The following TDRD12 variants were observed in gnomAD, a reference collection of about 807,000 sequenced individuals.
TDRD12 encodes tudor domain containing 12.
Under a neutral mutation model 133.5 loss-of-function variants are expected in TDRD12, and 158 were observed. The ratio of observed to expected loss-of-function variants is 1.18; its 90% CI spans 1.04 to 1.35. TDRD12 has a LOEUF of 1.35. Among genes scored for constraint, TDRD12 ranks in the 40% most tolerant of loss-of-function variants. The pLI, the probability that TDRD12 is intolerant of heterozygous loss-of-function variation, is 0.00. For synonymous variants in TDRD12, 460 were observed against 477.9 expected, an observed-to-expected ratio of 0.96 and a Z score of 0.49; for missense variants, 1,443 against 1,321.3, an observed-to-expected ratio of 1.09 and a Z score of -1.43.
chr19:32,736,379 C>A (rs1163939327), intron 2 of TDRD12, among the ~76,000 whole-genome samples: 2 of 152,158 alleles, frequency 1.3e-5, no homozygotes, highest in Non-Finnish European at 2.9e-5. Context: ...AGTGATGAGA[C>A]CCTGTCTCTA....
rs561923460 is a variant in TDRD12 at position 32,751,579 on chromosome 19, T to A, written c.582+1710T>A. Among the ~76,000 whole-genome samples, 143 of 151,080 alleles carry A rather than the reference T, an allele frequency of 9.5e-4. 1 individual carries two copies. The highest frequency in any genetic ancestry group is 1.9e-3 in the South Asian group (9 of 4,746). ...TCCCTTCCCTTCCCCTCTCCTTCCT[T>A]CCCCTCCCTCCCTTCCCCTCCCATC... On this transcript the variant is annotated intron_variant, in intron 6 of 27. Transcript: ENST00000444215.
intron 4 of TDRD12, among the ~76,000 whole-genome samples, chr19:32,743,873 A>C (rs1242276758): frequency 6.6e-6 from 1 of 151,714 alleles, no homozygotes; most frequent in Non-Finnish European, 1.5e-5. Flanking sequence ...TACTAAAAAT[A>C]CAAAATTAGC....
intron 25 of TDRD12, among the ~76,000 whole-genome samples, chr19:32,814,916 A>G (rs1185964256): frequency 1.3e-5 from 2 of 152,108 alleles, no homozygotes; most frequent in Non-Finnish European, 2.9e-5. Context: ...CTATACCCAC[A>G]CTGCCACCAA....
At chr19:32,809,914 C>CT (rs1966941432) in intron 22 of TDRD12, among the ~76,000 whole-genome samples, 179 bp from the exon 23 acceptor site, 1 of 152,040 alleles carries the variant, frequency 6.6e-6, no homozygotes, top group Admixed American at 6.6e-5. Context: ...TTCTTTATGA[C>CT]TGTGTGAGGT....
intron 26 of TDRD12, among the ~76,000 whole-genome samples, chr19:32,817,690 G>A (rs1365958721): frequency 6.6e-6 from 1 of 151,566 alleles, no homozygotes; most frequent in Non-Finnish European, 1.5e-5. Flanking sequence ...TCCAGGTTCC[G>A]CAGCAGCTTC....
intron 26 of TDRD12, among the ~76,000 whole-genome samples, chr19:32,817,527 C>T (rs924958114): frequency 1.3e-5 from 2 of 152,118 alleles, no homozygotes; most frequent in Non-Finnish European, 2.9e-5. Flanking sequence ...ACCTGGGCTG[C>T]TGCCCCTCTT....
At chr19:32,724,146 C>T (rs1968783533) in intron 1 of TDRD12, among the ~76,000 whole-genome samples, 1 of 152,222 alleles carries the variant, frequency 6.6e-6, no homozygotes, top group South Asian at 2.1e-4. Flanking sequence ...TGGGAATGAG[C>T]CACCACTCCC....
rs60279064 is a variant in TDRD12 at position 32,760,898 on chromosome 19, C to G, written c.865+3768C>G. Among the ~76,000 whole-genome samples, 1,304 of 152,160 alleles carry G rather than the reference C, an allele frequency of 8.6e-3. 41 individuals carry two copies. The East Asian group carries it at 0.1, about 12-fold the overall frequency. The stretch of plus-strand genomic sequence containing the variant: ...ATTACAAAGAACTTTTTTCCCAAAC[C>G]ATTTGAGAATAAGTTGCTAACCTGA... On this transcript the variant is annotated intron_variant, in intron 8 of 27. Transcript: ENST00000444215.
At chr19:32,731,993 A>C in intron 2 of TDRD12, 110 bp downstream of exon 2, 1 of 1,129,602 alleles carries the variant, frequency 8.9e-7, no homozygotes, top group Non-Finnish European at 1.2e-6. Context: ...AGTTTCTTAC[A>C]CTCAGTGCCT....
At chr19:32,787,331 G>A (rs1970937258) in intron 11 of TDRD12, among the ~76,000 whole-genome samples, 1 of 152,158 alleles carries the variant, frequency 6.6e-6, no homozygotes, top group Non-Finnish European at 1.5e-5. Context: ...TGAGGTGTCT[G>A]TCGGCCCCTA....
At chr19:32,725,710 T>A (rs1202807578) in intron 1 of TDRD12, among the ~76,000 whole-genome samples, 1 of 152,196 alleles carries the variant, frequency 6.6e-6, no homozygotes, top group Non-Finnish European at 1.5e-5. Flanking sequence ...TCTTTTTTGG[T>A]TCCCTATCAA....
chr19:32,803,941 A>C (rs1397482240), intron 21 of TDRD12, among the ~76,000 whole-genome samples: 1 of 151,576 alleles, frequency 6.6e-6, no homozygotes, highest in Non-Finnish European at 1.5e-5. Context: ...TGTCGGGGGG[A>C]GTAGCTTATA....
chr19:32,733,592 A>G (rs77695701), intron 2 of TDRD12, among the ~76,000 whole-genome samples: 4,220 of 152,222 alleles, frequency 0.028, 93 homozygotes, highest in South Asian at 0.12. Flanking sequence ...TGTGAACTTC[A>G]TGTTGAATTG....
intron 1 of TDRD12, among the ~76,000 whole-genome samples, chr19:32,720,857 T>G (rs1968632459): frequency 9.6e-6 from 1 of 104,200 alleles, no homozygotes; most frequent in South Asian, 3.8e-4. Flanking sequence ...CACCCCGGGC[T>G]GGGAGCTGGG....
exon 10 of TDRD12, chr19:32,829,223 A>G (rs1293809409): frequency 6.6e-6 from 1 of 152,218 alleles, no homozygotes; most frequent in African/African-American, 2.4e-5. Context: ...AGGTGCGCCG[A>G]GTCTCTTTCA....
chr19:32,745,630 GGA>G (rs147634708), intron 4 of TDRD12, among the ~76,000 whole-genome samples: 71 of 151,376 alleles, frequency 4.7e-4, no homozygotes, highest in African/African-American at 1.6e-3. Context: ...TGTGAAAGAG[GGA>G]GAGAGAGAGA....
At chr19:32,720,163 CAG>C (rs1968581438) in intron 1 of TDRD12, 67 bp downstream of exon 1, 64 of 1,462,508 alleles carry the variant, frequency 4.4e-5, no homozygotes, top group African/African-American at 3.4e-4. Context: ...CAGCCGCGCA[CAG>C]CCTCCCACCC....
chr19:32,724,614 C>A (rs1968801167), intron 1 of TDRD12, among the ~76,000 whole-genome samples: 1 of 152,130 alleles, frequency 6.6e-6, no homozygotes, highest in South Asian at 2.1e-4. Context: ...TTTCTTTATC[C>A]AGTCTATCAC....
At chr19:32,766,372 A>G (rs987476516) in intron 8 of TDRD12, among the ~76,000 whole-genome samples, 1 of 152,188 alleles carries the variant, frequency 6.6e-6, no homozygotes, top group Admixed American at 6.5e-5. Flanking sequence ...TTGCATTACA[A>G]ACAATCCAGT....
Sources: allele counts gnomAD v4.1 joint callset (sites outside exome capture counted in the v4.1 genomes callset), GRCh38; gene constraint gnomAD v4.1.1; transcripts MANE v1.5; gene names NCBI Gene and HGNC (gene_info 2026-07-23, HGNC 2026-07-21).